GREB1: variants seen among roughly 807,000 people sequenced by gnomAD.
GREB1 encodes growth regulating estrogen receptor binding 1, also known as protein GREB1.
GREB1 carries 106 observed loss-of-function variants against 200.7 expected under a neutral mutation model. The ratio of observed to expected loss-of-function variants is 0.53; its 90% CI spans 0.45 to 0.62. The LOEUF is 0.62. Ranked by LOEUF, GREB1 falls within the 20% of genes least tolerant of loss-of-function variation. The pLI is 0.00. For missense variants in GREB1, 2,243 were observed against 2,556.8 expected, an observed-to-expected ratio of 0.88 and a Z score of 2.65; for synonymous variants, 1,132 against 1,092.4, an observed-to-expected ratio of 1.04 and a Z score of -0.72.
intron 26 of GREB1, among the ~76,000 whole-genome samples, chr2:11,631,655 C>T (rs1684885636): frequency 6.6e-6 from 1 of 152,198 alleles, no homozygotes; most frequent in African/African-American, 2.4e-5. Flanking sequence ...GTCCAGCAGG[C>T]TAGCCCGGGC....
chr2:11,579,079 A>G (rs747517805), intron 6 of GREB1, among the ~76,000 whole-genome samples: 1 of 152,224 alleles, frequency 6.6e-6, no homozygotes, highest in African/African-American at 2.4e-5. Context: ...GGACGCAGGA[A>G]GGTCGCTGGT....
intron 29 of GREB1, 98 bp from the exon 30 acceptor site, chr2:11,635,172 C>T (rs558081688): frequency 0.053 from 75,053 of 1,417,742 alleles, 2,194 homozygotes; most frequent in African/African-American, 0.084. Flanking sequence ...ACCTTCATAG[C>T]CCCCTACGAT....
At chr2:11,591,594 G>C (rs1226394092) in intron 10 of GREB1, 7 of 631,818 alleles carry the variant, frequency 1.1e-5, no homozygotes, top group Admixed American at 2.6e-5. Flanking sequence ...ACCAGCGCTT[G>C]TCCGATGCAC....
At chr2:11,614,974 C>T (rs183914483) in intron 19 of GREB1, 117 bp from the exon 20 acceptor site, 20 of 765,190 alleles carry the variant, frequency 2.6e-5, no homozygotes, top group Non-Finnish European at 4.4e-5. Context: ...TGTACGAGTC[C>T]TTGGGTCCTC....
chr2:11,495,888 T>C (rs79531368), intron 1 of GREB1, among the ~76,000 whole-genome samples: 5,281 of 151,082 alleles, frequency 0.035, 308 homozygotes, highest in African/African-American at 0.12. Context: ...TGAGCTCCTC[T>C]GTGAGTCTGT....
intron 1 of GREB1, among the ~76,000 whole-genome samples, chr2:11,488,242 T>G (rs993557519): frequency 6.6e-6 from 1 of 152,152 alleles, no homozygotes; most frequent in Non-Finnish European, 1.5e-5. Flanking sequence ...AACGAGCCTC[T>G]CCAGGGGTCT....
intron 1 of GREB1, among the ~76,000 whole-genome samples, chr2:11,527,979 C>T (rs1673945421): frequency 6.6e-6 from 1 of 152,230 alleles, no homozygotes. Flanking sequence ...GGCTTTTCTT[C>T]TTTCTGCACT....
intron 22 of GREB1, 60 bp downstream of exon 22, chr2:11,618,979 C>G (rs1160465195): frequency 7.2e-6 from 10 of 1,398,460 alleles, no homozygotes; most frequent in Non-Finnish European, 8.5e-6. Context: ...ACACTCCCAT[C>G]TGGAGGGCAG....
At chr2:11,564,561 T>A (rs1421180637) in intron 3 of GREB1, among the ~76,000 whole-genome samples, 1 of 152,226 alleles carries the variant, frequency 6.6e-6, no homozygotes, top group Non-Finnish European at 1.5e-5. Flanking sequence ...TCATTAGATT[T>A]TCACATAATT....
chr2:11,579,083 C>T (rs938081809), intron 6 of GREB1, among the ~76,000 whole-genome samples: 9 of 152,214 alleles, frequency 5.9e-5, no homozygotes, highest in African/African-American at 1.2e-4. Flanking sequence ...GCAGGAAGGT[C>T]GCTGGTTGTT....
At chr2:11,576,320 A>AT in intron 4 of GREB1, 33 bp from the exon 5 acceptor site, 1 of 1,540,834 alleles carries the variant, frequency 6.5e-7, no homozygotes. Context: ...AAAAAAAAAA[A>AT]GAAAGATGTT....
chr2:11,508,280 C>T (rs528500293), intron 1 of GREB1, among the ~76,000 whole-genome samples: 2 of 152,302 alleles, frequency 1.3e-5, no homozygotes. Context: ...TCTATTTCCT[C>T]CAGGAAAACC....
chr2:11,620,813 C>G, intron 22 of GREB1, 92 bp from the exon 23 acceptor site: 1 of 724,532 alleles, frequency 1.4e-6, no homozygotes, highest in South Asian at 1.6e-5. Context: ...TCAAGTGAGG[C>G]AGATGTCAGG....
Position 11,642,455 on chromosome 2 carries a change from T to C in GREB1, c.*2001T>C, listed in dbSNP as rs1427157591. ...AGAATGCATTCTTACACATCTATCCTAGACATTTATAAGCACTCTAATGGA... is the reference window on the plus strand; with the variant it reads ...AGAATGCATTCTTACACATCTATCCCAGACATTTATAAGCACTCTAATGGA... On this transcript the variant is annotated 3_prime_UTR_variant, in exon 33 of 33. Transcript: ENST00000381486. 1 of 152,162 alleles carries C rather than the reference T, an allele frequency of 6.6e-6. No homozygotes were observed. The highest frequency in any genetic ancestry group is 1.5e-5 in the Non-Finnish European group (1 of 68,032). The allele number at this position is 152,162 out of a possible 1,614,324, so 9.4% of individuals were successfully genotyped here.
intron 1 of GREB1, among the ~76,000 whole-genome samples, chr2:11,508,884 TTTTTTTTC>T (rs1296844608): frequency 4.7e-5 from 7 of 147,810 alleles, no homozygotes; most frequent in African/African-American, 1.7e-4. Context: ...TTTTTTTTTT[TTTTTTTTC>T]GGGACAGAGT....
intron 32 of GREB1, among the ~76,000 whole-genome samples, chr2:11,639,341 G>A (rs1293840721): frequency 1.3e-5 from 2 of 152,160 alleles, no homozygotes; most frequent in African/African-American, 2.4e-5. Context: ...CACCTGCCTC[G>A]GCCTCCCAAA....
At chr2:11,614,601 TCGCC>T (rs1267562882) in intron 19 of GREB1, among the ~76,000 whole-genome samples, 2 of 152,126 alleles carry the variant, frequency 1.3e-5, no homozygotes, top group Non-Finnish European at 1.5e-5. Context: ...TCTGGCTCTG[TCGCC>T]CCGGCTGGAT....
intron 3 of GREB1, 154 bp downstream of exon 3, chr2:11,562,736 C>A: frequency 3.6e-6 from 3 of 842,222 alleles, no homozygotes; most frequent in East Asian, 3.3e-5. Context: ...CCCCTGGGCC[C>A]GCAGCAGGTG....
At chr2:11,545,210 C>T (rs1017976340) in intron 1 of GREB1, among the ~76,000 whole-genome samples, 3 of 152,172 alleles carry the variant, frequency 2.0e-5, no homozygotes, top group African/African-American at 7.2e-5. Flanking sequence ...ATCTCGCTCA[C>T]TGCAACCTTC....
Sources: allele counts gnomAD v4.1 joint callset (sites outside exome capture counted in the v4.1 genomes callset), GRCh38; gene constraint gnomAD v4.1.1; transcripts MANE v1.5; gene names NCBI Gene and HGNC (gene_info 2026-07-23, HGNC 2026-07-21).